The following COCH variants were observed in gnomAD, a reference collection of about 807,000 sequenced individuals.
The protein encoded by COCH is cochlin, also known as coagulation factor C homolog, cochlin (Limulus polyphemus).
In COCH, 40 loss-of-function variants were observed where a neutral mutation model predicts 54.8. The observed-to-expected ratio is 0.73, with a 90% CI of 0.57 to 0.95. COCH has a LOEUF of 0.95. COCH is among the 40% of genes least tolerant of loss of function. COCH has a pLI of 0.00. For missense variants in COCH, 605 were observed against 675.0 expected, an observed-to-expected ratio of 0.90 and a Z score of 1.15; for synonymous variants, 256 against 237.9, an observed-to-expected ratio of 1.08 and a Z score of -0.70.
chr14:30,889,540 T>C (rs574914268), intron 11 of COCH, 76 bp from the exon 12 acceptor site: 3 of 1,322,858 alleles, frequency 2.3e-6, no homozygotes, highest in East Asian at 4.6e-5. Flanking sequence ...TAACAGTGTA[T>C]GGAAAACATA....
chr14:30,887,440 G>C (rs1191370918), intron 11 of COCH, among the ~76,000 whole-genome samples: 1 of 150,650 alleles, frequency 6.6e-6, no homozygotes, highest in East Asian at 1.9e-4. Context: ...CCCCGCTTAA[G>C]ATAATAAAAA....
Position 30,878,812 on chromosome 14 carries a change from G to T in COCH, c.241G>T (p.Gly81Ter). 6.2e-7 allele frequency: 1 copy of T among 1,614,122 alleles called. No homozygotes were observed. Among genetic ancestry groups the T allele is most frequent in the Non-Finnish European group, 8.5e-7 (1 of 1,180,014 alleles). ...TCAGCTGCTATTCTTGTGTTACAGG[G>T]GAGTAATCAGCAACTCAGGGGGACC... ...SSICGAAVHR[G>*]VISNSGGPVR... The change falls in exon 5 of 12, where the codon GGA becomes TGA. Residue 81 changes from glycine to a stop codon, truncating the protein, a stop_gained and splice_region_variant. Transcript: ENST00000396618. LOFTEE classifies it high-confidence loss of function.
At chr14:30,882,015 C>A (rs1895611488) in intron 8 of COCH, among the ~76,000 whole-genome samples, 1 of 148,024 alleles carries the variant, frequency 6.8e-6, no homozygotes, top group African/African-American at 2.5e-5. Context: ...TTATTAATTG[C>A]TTTTAGAAAT....
At chr14:30,881,550 A>C (rs1374039963) in intron 8 of COCH, among the ~76,000 whole-genome samples, 1 of 152,246 alleles carries the variant, frequency 6.6e-6, no homozygotes, top group Non-Finnish European at 1.5e-5. Flanking sequence ...CTGAAGGAAG[A>C]AGCAGTGATA....
rs996996334 is a variant in COCH, at chr14:30,874,705, G to A, written c.-24+114G>A. On this transcript the variant is annotated intron_variant, in intron 1 of 11. Coordinates refer to ENST00000396618, the MANE Select transcript of COCH (RefSeq NM_004086.3). Reference sequence around the variant, plus strand: ...CGTTTTGGCGCCCCCGCCTCCCCGCGGTGCGGGGTTGCACACCGATCCTGG... The same window carrying A: ...CGTTTTGGCGCCCCCGCCTCCCCGCAGTGCGGGGTTGCACACCGATCCTGG... 13 of 599,772 alleles carry A rather than the reference G, an allele frequency of 2.2e-5. No homozygotes were observed. In the African/African-American group the frequency reaches 2.4e-4, roughly 11 times the overall value. The allele number at this position is 599,772 out of a possible 1,614,324, so 37.2% of individuals were successfully genotyped here.
chr14:30,875,285 C>T, intron 3 of COCH, 182 bp downstream of exon 3: 2 of 865,022 alleles, frequency 2.3e-6, no homozygotes, highest in South Asian at 3.5e-5. Flanking sequence ...TCCTGCTCAC[C>T]TGTTTCTCCC....
chr14:30,879,818 G>T (rs973230442), intron 6 of COCH, among the ~76,000 whole-genome samples: 45 of 151,812 alleles, frequency 3.0e-4, no homozygotes, highest in African/African-American at 9.9e-4. Context: ...CAATTTTTTT[G>T]ATTTTTAATT....
At position 30,877,518 on chromosome 14, in the gene COCH, C is replaced by T. The variant is rs1895405564; in HGVS notation, c.83-54C>T. The T allele has an allele frequency of 6.2e-7, 1 of 1,605,050 alleles. No homozygotes were observed. Among genetic ancestry groups the T allele is most frequent in the Non-Finnish European group, 8.5e-7 (1 of 1,175,494 alleles). On this transcript the variant is annotated intron_variant, in intron 3 of 11. Transcript: ENST00000396618. This position sits in a 1 kb window ranked among gnomAD's most constrained non-coding sequence, Gnocchi z 8.6. Reference sequence around the variant, plus strand: ...ATCTCACACTGTAGTCTCCCCACCACTATGCCCCAAGAAGTCCTAAGAATG... The same window carrying T: ...ATCTCACACTGTAGTCTCCCCACCATTATGCCCCAAGAAGTCCTAAGAATG...
chr14:30,876,326 A>C (rs1464032353), intron 3 of COCH: 1 of 152,174 alleles, frequency 6.6e-6, no homozygotes, highest in East Asian at 1.9e-4. Flanking sequence ...GTAAAAACTG[A>C]TTCTTTGTTA....
At chr14:30,875,554 G>C in intron 3 of COCH, 1 of 490,642 alleles carries the variant, frequency 2.0e-6, no homozygotes, top group East Asian at 3.2e-5. Flanking sequence ...GAACGTCGCT[G>C]TCCCACCTTG....
At chr14:30,875,485 G>C in intron 3 of COCH, 1 of 518,906 alleles carries the variant, frequency 1.9e-6, no homozygotes, top group Non-Finnish European at 3.4e-6. Context: ...GCGTTTGGGG[G>C]TGGAGGAGAA....
chr14:30,876,911 A>G (rs563525358), intron 3 of COCH, among the ~76,000 whole-genome samples: 2 of 151,968 alleles, frequency 1.3e-5, no homozygotes, highest in Non-Finnish European at 2.9e-5. Flanking sequence ...CAATCCTCCC[A>G]CCTCAGCCTC....
chr14:30,887,154 A>ACTTT (rs1895817549), intron 11 of COCH, among the ~76,000 whole-genome samples: 1 of 152,074 alleles, frequency 6.6e-6, no homozygotes, highest in African/African-American at 2.4e-5. Flanking sequence ...GCACTTTGGG[A>ACTTT]GGCTGAGGTG....
Position 30,878,809 on chromosome 14 carries a change from A to G in COCH, c.240-2A>G, listed in dbSNP as rs777401786. Reference sequence around the variant, plus strand: ...ATCTCAGCTGCTATTCTTGTGTTACAGGGGAGTAATCAGCAACTCAGGGGG... The same window carrying G: ...ATCTCAGCTGCTATTCTTGTGTTACGGGGGAGTAATCAGCAACTCAGGGGG... On this transcript the variant is annotated splice_acceptor_variant, in intron 4 of 11. Coordinates refer to ENST00000396618, the MANE Select transcript of COCH (RefSeq NM_004086.3). LOFTEE classifies it high-confidence loss of function. 2.5e-6 allele frequency: 4 copies of G among 1,614,108 alleles called. No individual in the cohort carries two copies. Among genetic ancestry groups the G allele is most frequent in the Non-Finnish European group, 3.4e-6 (4 of 1,179,988 alleles).
intron 6 of COCH, among the ~76,000 whole-genome samples, chr14:30,880,224 G>A (rs548220272): frequency 6.6e-6 from 1 of 152,120 alleles, no homozygotes; most frequent in South Asian, 2.1e-4. Context: ...GTGGGTTTGG[G>A]GTATTAAAGT....
rs752337401 is a variant in COCH, at chr14:30,889,708, A to C, written c.1570A>C (p.Thr524Pro). 1 of 1,614,086 alleles carries C rather than the reference A, an allele frequency of 6.2e-7. No homozygotes were observed. The highest frequency in any genetic ancestry group is 8.5e-7 in the Non-Finnish European group (1 of 1,179,932). The change falls in exon 12 of 12, where the codon ACA becomes CCA. Residue 524 changes from threonine (T) to proline (P), a missense_variant. Thr to Pro is a conservative substitution (Grantham distance 38). Transcript: ENST00000396618. ...SKPKESHAFF[T>P]REFTGLEPIV... ...ACCGAAGGAGTCTCATGCTTTCTTC[A>C]CAAGAGAGTTCACAGGATTAGAACC...
chr14:30,882,144 TTTTG>T, intron 8 of COCH, among the ~76,000 whole-genome samples: 2 of 128,760 alleles, frequency 1.6e-5, no homozygotes, highest in African/African-American at 2.8e-5. Flanking sequence ...TTTTTTTTTT[TTTTG>T]AGACGGAGTT....
At chr14:30,883,394 G>A (rs1895680429) in intron 8 of COCH, among the ~76,000 whole-genome samples, 1 of 152,012 alleles carries the variant, frequency 6.6e-6, no homozygotes, top group Middle Eastern at 3.2e-3. Flanking sequence ...TAGTTTTTCT[G>A]TTTTAGAAAG....
At chr14:30,885,219 C>T (rs1340313118) in intron 9 of COCH, 175 bp from the exon 10 acceptor site, 2 of 952,096 alleles carry the variant, frequency 2.1e-6, no homozygotes, top group East Asian at 5.0e-5. Flanking sequence ...TAAACTTTCC[C>T]AGCTGATGCA....
Sources: gnomAD v4.1 joint callset for allele counts (sites outside exome capture counted in the v4.1 genomes callset) on GRCh38, gnomAD v4.1.1 for gene constraint, Gnocchi (gnomAD v3.1) non-coding constraint, MANE v1.5 for transcripts, NCBI Gene and HGNC (gene_info 2026-07-23, HGNC 2026-07-21) for gene names.